GRIN3A: variants seen among roughly 807,000 people sequenced by gnomAD.
The protein encoded by GRIN3A is glutamate receptor ionotropic, NMDA 3A.
GRIN3A carries 47 observed loss-of-function variants against 92.4 expected under a neutral mutation model. The ratio of observed to expected loss-of-function variants is 0.51; its 90% CI spans 0.40 to 0.65. The LOEUF is 0.65. GRIN3A is among the 30% of genes least tolerant of loss of function. GRIN3A has a pLI of 0.00. For missense variants in GRIN3A, 1,324 were observed against 1,393.1 expected (o/e 0.95, Z 0.79); for synonymous variants, 527 against 540.6 (o/e 0.97, Z 0.35).
intron 6 of GRIN3A, among the ~76,000 whole-genome samples, chr9:101,585,814 G>A (rs559126141): frequency 6.6e-6 from 1 of 152,172 alleles, no homozygotes; most frequent in African/African-American, 2.4e-5. Context: ...CAGTGAGAAT[G>A]ACTGTCATGT....
intron 4 of GRIN3A, among the ~76,000 whole-genome samples, chr9:101,627,316 C>T (rs1254905937): frequency 6.6e-6 from 1 of 152,078 alleles, no homozygotes; most frequent in African/African-American, 2.4e-5. Flanking sequence ...AGTTAAAAGT[C>T]CATAAAATTT....
chr9:101,691,466 G>A (rs1453918763), intron 1 of GRIN3A, among the ~76,000 whole-genome samples: 1 of 152,144 alleles, frequency 6.6e-6, no homozygotes, highest in East Asian at 1.9e-4. Flanking sequence ...TACTATACAA[G>A]CGTTCTTTAA....
Position 101,573,352 on chromosome 9 carries a change from G to A in GRIN3A, c.3170C>T (p.Ala1057Val). The change falls in exon 9 of 9, where the codon GCC becomes GTC. Residue 1057 changes from alanine (A) to valine (V), a missense_variant. Ala to Val is a moderately conservative substitution (Grantham distance 64, BLOSUM62 0). Coordinates refer to ENST00000361820, the MANE Select transcript of GRIN3A (RefSeq NM_133445.3). ...TGCTTTCCCATTGGTGGTCCGCAAG[G>A]CAGGGAGCTCTCTTCTCCTTGGAGG... ...PLPPRRRELP[A>V]LRTTNGKADS... 6.2e-7 allele frequency: 1 copy of A among 1,614,078 alleles called. No individual in the cohort carries two copies. Among genetic ancestry groups the A allele is most frequent in the Admixed American group, 1.7e-5 (1 of 60,024 alleles).
In GRIN3A at chr9:101,669,970, A is replaced by G. The variant is rs561359431; in HGVS notation, c.2352+90T>C. The G allele has an allele frequency of 1.2e-4, 122 of 994,130 alleles. No homozygotes were observed. In the African/African-American group the frequency reaches 1.8e-3, roughly 15 times the overall value. 61.6% of individuals were successfully genotyped at this position (994,130 alleles called of 1,614,324 possible). A position where few individuals can be genotyped will look rare whatever the true frequency, so the allele number is the denominator to read the frequency against. On this transcript the variant is annotated intron_variant, in intron 3 of 8. Coordinates refer to ENST00000361820, the MANE Select transcript of GRIN3A (RefSeq NM_133445.3). ...GGCTGAGAGAATATTCCTGTGTTAG[A>G]TGGAAGAACATGAGCATACTACAGC...
chr9:101,715,120 C>G (rs1157039606), intron 1 of GRIN3A, among the ~76,000 whole-genome samples: 2 of 150,778 alleles, frequency 1.3e-5, no homozygotes, highest in African/African-American at 2.4e-5. Flanking sequence ...TATTATTTTC[C>G]TCTTCCAGGA....
At chr9:101,652,322 T>C (rs1280065018) in intron 3 of GRIN3A, among the ~76,000 whole-genome samples, 1 of 151,990 alleles carries the variant, frequency 6.6e-6, no homozygotes, top group Non-Finnish European at 1.5e-5. Context: ...CCAGTCTCTG[T>C]ACTAGATTCT....
intron 4 of GRIN3A, among the ~76,000 whole-genome samples, chr9:101,625,618 G>T (rs75338656): frequency 2.0e-5 from 3 of 152,112 alleles, no homozygotes; most frequent in Admixed American, 2.0e-4. Flanking sequence ...TTACAATGAG[G>T]CCCAAATTTA....
In GRIN3A at chr9:101,738,043, T is replaced by G; in HGVS notation, c.-64A>C. 2.9e-6 allele frequency: 4 copies of G among 1,370,104 alleles called. No homozygotes were observed. In the South Asian group the frequency reaches 5.0e-5, roughly 17 times the overall value. The allele number at this position is 1,370,104 out of a possible 1,614,324, so 84.9% of individuals were successfully genotyped here. ...GCCCGGCTCGCCCCTCTGCAGCCGCTGCCTGAGGTCTCCGCCTCCAGGTCC... is the reference window on the plus strand; with the variant it reads ...GCCCGGCTCGCCCCTCTGCAGCCGCGGCCTGAGGTCTCCGCCTCCAGGTCC... On this transcript the variant is annotated 5_prime_UTR_variant, in exon 1 of 9. Coordinates refer to ENST00000361820, the MANE Select transcript of GRIN3A (RefSeq NM_133445.3).
intron 7 of GRIN3A, 121 bp downstream of exon 7, chr9:101,579,075 C>T: frequency 1.0e-6 from 1 of 992,150 alleles, no homozygotes; most frequent in Non-Finnish European, 1.6e-6. Flanking sequence ...ATGAGAGTGC[C>T]TACCCCACCC....
At chr9:101,660,626 C>T (rs1829160420) in intron 3 of GRIN3A, among the ~76,000 whole-genome samples, 1 of 151,792 alleles carries the variant, frequency 6.6e-6, no homozygotes, top group Non-Finnish European at 1.5e-5. Context: ...CCTCTTTAAT[C>T]TTCTCACATG....
At chr9:101,715,043 A>G (rs1292363852) in intron 1 of GRIN3A, among the ~76,000 whole-genome samples, 1 of 152,014 alleles carries the variant, frequency 6.6e-6, no homozygotes, top group Non-Finnish European at 1.5e-5. Flanking sequence ...ATACATAAGG[A>G]TGTGGAAAAT....
At chr9:101,658,051 G>T (rs1279848845) in intron 3 of GRIN3A, among the ~76,000 whole-genome samples, 1 of 151,934 alleles carries the variant, frequency 6.6e-6, no homozygotes, top group African/African-American at 2.4e-5. Context: ...AATAAATCAG[G>T]TAGGGGAGAA....
chr9:101,707,688 T>A (rs1023490355), intron 1 of GRIN3A, among the ~76,000 whole-genome samples: 4 of 152,220 alleles, frequency 2.6e-5, no homozygotes, highest in African/African-American at 9.6e-5. Context: ...TATATATGCC[T>A]AAAATTTTAA....
intron 3 of GRIN3A, among the ~76,000 whole-genome samples, chr9:101,649,272 TC>T (rs148690045): frequency 0.071 from 10,843 of 151,968 alleles, 514 homozygotes; most frequent in East Asian, 0.22. Flanking sequence ...GGTTTGGGCC[TC>T]CCTGCCTATT....
rs1828943214 is a variant in GRIN3A, at chr9:101,646,748, C to T, written c.2353-18347G>A. ...AGATCTTTCTTTGGTTAAATTTATT[C>T]CTATTTTATTCTTTTGGTAGCTACT... On this transcript the variant is annotated intron_variant, in intron 3 of 8. Transcript: ENST00000361820. 1.3e-5 allele frequency among the ~76,000 whole-genome samples: 2 copies of T among 151,098 alleles called. 1 individual carries two copies. The highest frequency in any genetic ancestry group is 4.2e-4 in the South Asian group (2 of 4,792).
intron 1 of GRIN3A, among the ~76,000 whole-genome samples, chr9:101,687,472 T>C (rs1157563027): frequency 6.6e-6 from 1 of 152,154 alleles, no homozygotes; most frequent in Non-Finnish European, 1.5e-5. Context: ...ATACATTTGG[T>C]TGAGGAGTTT....
At position 101,664,751 on chromosome 9, in the gene GRIN3A, G is replaced by A. The variant is rs75120782; in HGVS notation, c.2352+5309C>T. On this transcript the variant is annotated intron_variant, in intron 3 of 8. Transcript: ENST00000361820. ...AGTTGGTTAAAGCCAATGAATTTCCGCCCTAAAATGGTGATAAAATATTCA... is the reference window on the plus strand; with the variant it reads ...AGTTGGTTAAAGCCAATGAATTTCCACCCTAAAATGGTGATAAAATATTCA... 2.9e-3 allele frequency among the ~76,000 whole-genome samples: 433 copies of A among 151,920 alleles called. 3 individuals carry two copies. The highest frequency in any genetic ancestry group is 0.013 in the East Asian group (68 of 5,148).
Position 101,571,664 on chromosome 9 carries a change from C to G in GRIN3A, c.*1510G>C, listed in dbSNP as rs1281515621. The G allele has an allele frequency of 6.6e-6, 1 of 152,222 alleles. No homozygotes were observed. The highest frequency in any genetic ancestry group is 1.5e-5 in the Non-Finnish European group (1 of 68,042). The allele number at this position is 152,222 out of a possible 1,614,324, so 9.4% of individuals were successfully genotyped here. On this transcript the variant is annotated 3_prime_UTR_variant, in exon 9 of 9. Coordinates refer to ENST00000361820, the MANE Select transcript of GRIN3A (RefSeq NM_133445.3). ...CAAAACAAAACAAAACAAAACTTCT[C>G]AAACAGGTTTTCTCTTCATGCTTCT...
chr9:101,630,533 A>C (rs1828697636), intron 3 of GRIN3A, among the ~76,000 whole-genome samples: 1 of 152,222 alleles, frequency 6.6e-6, no homozygotes, highest in South Asian at 2.1e-4. Flanking sequence ...CCAAGGTCAC[A>C]GAGCTAGTAA....
Sources: gnomAD v4.1 joint callset for allele counts (sites outside exome capture counted in the v4.1 genomes callset) on GRCh38, gnomAD v4.1.1 for gene constraint, MANE v1.5 for transcripts, NCBI Gene and HGNC (gene_info 2026-07-23, HGNC 2026-07-21) for gene names.